The following RYR1 variants were observed in gnomAD, a reference collection of about 807,000 sequenced individuals.
RYR1 encodes the protein central core disease of muscle.
Under a neutral mutation model 583.5 loss-of-function variants are expected in RYR1, and 342 were observed. The observed-to-expected ratio is 0.59, with a 90% CI of 0.54 to 0.64. RYR1 has a LOEUF of 0.64. RYR1 is among the 30% of genes least tolerant of loss of function. The pLI is 0.00. For missense variants in RYR1, 6,032 were observed against 6,917.2 expected (o/e 0.87, Z 4.54); for synonymous variants, 2,791 against 2,822.5 (o/e 0.99, Z 0.35).
intron 24 of RYR1, among the ~76,000 whole-genome samples, chr19:38,467,369 T>C (rs916727537): frequency 6.6e-6 from 1 of 152,146 alleles, no homozygotes; most frequent in African/African-American, 2.4e-5. Context: ...TCTCTGCCAG[T>C]ATCCCTGTTT....
chr19:38,439,249 C>T (rs908224101), intron 1 of RYR1, among the ~76,000 whole-genome samples: 1 of 151,054 alleles, frequency 6.6e-6, no homozygotes, highest in South Asian at 2.1e-4. Flanking sequence ...ACTCTTGTTG[C>T]CCCAGACTGG....
chr19:38,579,903 C>A (rs1389820910), intron 99 of RYR1, 79 bp from the exon 100 acceptor site: 8 of 1,598,472 alleles, frequency 5.0e-6, no homozygotes, highest in Non-Finnish European at 6.9e-6. Context: ...ACAGCTGACT[C>A]TCGAGTGGCC....
chr19:38,434,223 A>G (rs995644073), intron 1 of RYR1, among the ~76,000 whole-genome samples: 1 of 151,986 alleles, frequency 6.6e-6, no homozygotes, highest in Non-Finnish European at 1.5e-5. Flanking sequence ...GGCTTGATTT[A>G]GCCATCCCCC....
In RYR1 at chr19:38,579,867, CAG is replaced by C. The variant is rs1472848230; in HGVS notation, c.14365-112_14365-111del. On this transcript the variant is annotated intron_variant, in intron 99 of 105. Transcript: ENST00000359596. ...CCTGATCCTCCATGTACTCCCCAAA[CAG>C]AGCTGGCACCCGACCCCCAGGGCAC... 6 of 1,382,056 alleles carry C rather than the reference CAG, an allele frequency of 4.3e-6. No homozygotes were observed. In the East Asian group the frequency reaches 6.9e-5, roughly 16 times the overall value. 85.6% of individuals were successfully genotyped at this position (1,382,056 alleles called of 1,614,324 possible).
chr19:38,475,894 G>A (rs1968698522), intron 29 of RYR1, among the ~76,000 whole-genome samples: 1 of 152,342 alleles, frequency 6.6e-6, no homozygotes, highest in East Asian at 1.9e-4. Context: ...CTAGTGCAGT[G>A]CTCCCCAACT....
Position 38,460,601 on chromosome 19 carries a change from G to A in RYR1, c.2577+10G>A. ...TGTGGACACTGTCCAGGTACTGCCT[G>A]CCCTGCAAAGGTTTTCTGGCGAGGC... On this transcript the variant is annotated intron_variant, in intron 20 of 105. Coordinates refer to ENST00000359596, the MANE Select transcript of RYR1 (RefSeq NM_000540.3). The A allele has an allele frequency of 1.2e-6, 2 of 1,607,772 alleles. No homozygotes were observed. Among genetic ancestry groups the A allele is most frequent in the Non-Finnish European group, 1.7e-6 (2 of 1,179,214 alleles).
rs907740651 is a variant in RYR1 at position 38,499,851 on chromosome 19, G to T, written c.7214+30G>T. 1 of 1,611,362 alleles carries T rather than the reference G, an allele frequency of 6.2e-7. No homozygotes were observed. The highest frequency in any genetic ancestry group is 8.5e-7 in the Non-Finnish European group (1 of 1,179,654). On this transcript the variant is annotated intron_variant, in intron 44 of 105. Coordinates refer to ENST00000359596, the MANE Select transcript of RYR1 (RefSeq NM_000540.3). The surrounding 1 kb of genome is among the most constrained non-coding windows in gnomAD (Gnocchi z 7.3). ...GTCTCCCGGCCCCCTCCTCAATAGGGCAACCCGCCCTCCCTGGCCCCTGGC... is the reference window on the plus strand; with the variant it reads ...GTCTCCCGGCCCCCTCCTCAATAGGTCAACCCGCCCTCCCTGGCCCCTGGC...
At chr19:38,477,637 C>G (rs1345930408) in intron 29 of RYR1, 73 bp from the exon 30 acceptor site, 3 of 1,607,100 alleles carry the variant, frequency 1.9e-6, no homozygotes, top group East Asian at 4.5e-5. Context: ...CCAGGGAAAC[C>G]AATTTCGAGT....
chr19:38,515,925 A>G (rs1439286617), intron 64 of RYR1, among the ~76,000 whole-genome samples, 162 bp from the exon 65 acceptor site: 1 of 152,194 alleles, frequency 6.6e-6, no homozygotes, highest in African/African-American at 2.4e-5. Context: ...TGAGTAACAG[A>G]GCGAGACCCT....
In RYR1 at chr19:38,452,871, A is replaced by G. The variant is rs2145380425; in HGVS notation, c.1297A>G (p.Thr433Ala). The G allele has an allele frequency of 2.5e-6, 4 of 1,610,256 alleles. No individual in the cohort carries two copies. Among genetic ancestry groups the G allele is most frequent in the Non-Finnish European group, 3.4e-6 (4 of 1,178,284 alleles). ...KPRGSGPPAG[T>A]ALPIEGVILS... Reference sequence around the variant, plus strand: ...ACGGGGCTCGGGGCCACCCGCTGGCACGGCGCTGCCCATCGAGGGCGTTAT... The same window carrying G: ...ACGGGGCTCGGGGCCACCCGCTGGCGCGGCGCTGCCCATCGAGGGCGTTAT... The change falls in exon 13 of 106, where the codon ACG (threonine) becomes GCG (alanine). Residue 433 changes from threonine (T) to alanine (A), a missense_variant. Thr to Ala is a moderately conservative substitution (Grantham distance 58). Around this residue, in one of 11 missense-constraint regions of RYR1, gnomAD observed 2,627 missense variants for 2,961.3 expected, o/e 0.89. Coordinates refer to ENST00000359596, the MANE Select transcript of RYR1 (RefSeq NM_000540.3).
chr19:38,542,908 C>T (rs1008714171), intron 84 of RYR1, among the ~76,000 whole-genome samples: 3 of 151,982 alleles, frequency 2.0e-5, no homozygotes, highest in African/African-American at 7.3e-5. Flanking sequence ...ATGGTGAGAT[C>T]TCCACTCACT....
chr19:38,527,501 C>T, intron 72 of RYR1, 146 bp from the exon 73 acceptor site: 1 of 1,065,860 alleles, frequency 9.4e-7, no homozygotes, highest in Non-Finnish European at 1.4e-6. Flanking sequence ...TGGGGCGAGG[C>T]TCCGTCTCAA....
chr19:38,474,597 T>C (rs10401870), intron 28 of RYR1, among the ~76,000 whole-genome samples: 1 of 126,264 alleles, frequency 7.9e-6, no homozygotes, highest in African/African-American at 3.2e-5. Context: ...TTTTTTGAGA[T>C]GGAGTCTTGC....
rs1970378148 is a variant in RYR1 at position 38,505,036 on chromosome 19, T to G, written c.8265T>G (p.Ile2755Met). 1.2e-6 allele frequency: 2 copies of G among 1,614,108 alleles called. No homozygotes were observed. The highest frequency in any genetic ancestry group is 8.5e-7 in the Non-Finnish European group (1 of 1,180,022). The change falls in exon 52 of 106, where the codon ATT becomes ATG. Residue 2755 changes from isoleucine (I) to methionine (M), a missense_variant. Coordinates refer to ENST00000359596, the MANE Select transcript of RYR1 (RefSeq NM_000540.3). ...VIIPEKLDSF[I>M]NKFAEYTHEK... ...TCCCGGAGAAGCTGGACTCCTTCAT[T>G]AACAAGTTTGCGGAGTACACACACG... is the stretch of plus-strand genomic sequence containing the variant.
Position 38,531,126 on chromosome 19 carries a change from G to A in RYR1, c.11142-1364G>A, listed in dbSNP as rs1004394998. 4.0e-5 allele frequency among the ~76,000 whole-genome samples: 6 copies of A among 151,786 alleles called. No homozygotes were observed. In the East Asian group the frequency reaches 7.8e-4, roughly 20 times the overall value. ...TGGGATTACAGGCACGAGCCACCGCGCCCAGCCTTCTTTGGTCTCTTTATC... is the reference window on the plus strand; with the variant it reads ...TGGGATTACAGGCACGAGCCACCGCACCCAGCCTTCTTTGGTCTCTTTATC... On this transcript the variant is annotated intron_variant, in intron 76 of 105. Transcript: ENST00000359596.
At chr19:38,587,186 A>G in intron 105 of RYR1, 139 bp from the exon 106 acceptor site, 1 of 685,166 alleles carries the variant, frequency 1.5e-6, no homozygotes, top group Non-Finnish European at 2.7e-6. Context: ...TTGAGCCAGG[A>G]GGCTGTAGTG....
chr19:38,504,885 T>C lies in RYR1; in HGVS notation c.8205T>C (p.Phe2735=). The C allele has an allele frequency of 1.9e-6, 3 of 1,614,176 alleles. No homozygotes were observed. The highest frequency in any genetic ancestry group is 2.5e-6 in the Non-Finnish European group (3 of 1,180,020). ...KKATVDAEGN[F]DPRPVETLNV... ...CCACAGTGGATGCTGAAGGCAACTT[T>C]GATCCCCGGCCTGTGGAGACCCTCA... Residue 2735 remains phenylalanine (F), a synonymous_variant, in exon 51 of 106, where the codon TTT becomes TTC. Transcript: ENST00000359596.
rs1973351213 is a variant in RYR1 at position 38,565,295 on chromosome 19, C to CAGT, written c.12961_12962insAGT (p.Arg4321delinsGlnTrp). The CAGT allele has an allele frequency of 9.6e-7, 1 of 1,043,130 alleles. No individual in the cohort carries two copies. The highest frequency in any genetic ancestry group is 5.6e-5 in the Admixed American group (1 of 17,788). The allele number at this position is 1,043,130 out of a possible 1,614,324, so 64.6% of individuals were successfully genotyped here. A position where few individuals can be genotyped will look rare whatever the true frequency, so the allele number is the denominator to read the frequency against. On this transcript the variant is annotated protein_altering_variant, in exon 91 of 106. Coordinates refer to ENST00000359596, the MANE Select transcript of RYR1 (RefSeq NM_000540.3). The surrounding 1 kb of genome is among the most constrained non-coding windows in gnomAD (Gnocchi z 4.7). ...CCTGCGGCGGCGCGTGCGGCGGCTGCGGCGGCTTACGGCCCGCGAGGCGGC... is the reference window on the plus strand; with the variant it reads ...CCTGCGGCGGCGCGTGCGGCGGCTGCAGTGGCGGCTTACGGCCCGCGAGGCGGC...
chr19:38,451,912 G>C, intron 12 of RYR1, 27 bp downstream of exon 12: 1 of 1,613,900 alleles, frequency 6.2e-7, no homozygotes, highest in Non-Finnish European at 8.5e-7. Context: ...CCCTGCTGGG[G>C]TGACTCCTGT....
Sources: gnomAD v4.1 joint callset for allele counts (sites outside exome capture counted in the v4.1 genomes callset) on GRCh38, gnomAD v4.1.1 for gene constraint, gnomAD v4.1.1 regional missense constraint, Gnocchi (gnomAD v3.1) non-coding constraint, MANE v1.5 for transcripts, NCBI Gene and HGNC (gene_info 2026-07-23, HGNC 2026-07-21) for gene names.